Variants in KAT6B observed in about 807,000 individuals in gnomAD.
The protein encoded by KAT6B is lysine acetyltransferase 6B, also known as histone acetyltransferase KAT6B.
Under a neutral mutation model 187.5 loss-of-function variants are expected in KAT6B, and 10 were observed. The observed-to-expected ratio is 0.05, with a 90% CI of 0.03 to 0.09. The LOEUF is 0.09. Ranked by LOEUF, KAT6B falls within the 10% of genes least tolerant of loss-of-function variation. The pLI, the probability that KAT6B is intolerant of heterozygous loss-of-function variation, is 1.00. For missense variants in KAT6B, 1,952 were observed against 2,558.9 expected (o/e 0.76, Z 5.12); for synonymous variants, 861 against 926.8 (o/e 0.93, Z 1.29).
At chr10:74,834,806 C>T (rs2131991437) in intron 1 of KAT6B, among the ~76,000 whole-genome samples, 1 of 152,328 alleles carries the variant, frequency 6.6e-6, no homozygotes, top group South Asian at 2.1e-4. Flanking sequence ...AGGCATGAGC[C>T]ATTGTGCCTG....
At chr10:74,828,562 C>CTTTTTTT (rs1160950109) in intron 1 of KAT6B, among the ~76,000 whole-genome samples, 27 of 94,790 alleles carry the variant, frequency 2.8e-4, no homozygotes, top group Non-Finnish European at 4.2e-4. Flanking sequence ...CTCATAAGTT[C>CTTTTTTT]TTTTTTTTTT....
intron 13 of KAT6B, among the ~76,000 whole-genome samples, chr10:75,013,743 T>A (rs1844779373): frequency 6.6e-6 from 1 of 152,188 alleles, no homozygotes; most frequent in South Asian, 2.1e-4. Flanking sequence ...TTACCAGAAC[T>A]GTAACAGTTA....
intron 16 of KAT6B, 58 bp from the exon 17 acceptor site, chr10:75,024,900 G>A (rs1845701096): frequency 2.0e-6 from 3 of 1,523,252 alleles, no homozygotes; most frequent in Admixed American, 1.7e-5. Flanking sequence ...ACTGCATATC[G>A]ACTCAACCAT....
intron 3 of KAT6B, among the ~76,000 whole-genome samples, chr10:74,863,541 T>C (rs1238661735): frequency 2.0e-5 from 3 of 152,210 alleles, no homozygotes; most frequent in Admixed American, 1.3e-4. Flanking sequence ...TATCAAAAAC[T>C]GTTCCAAAAA....
chr10:75,005,905 A>G (rs930730948), intron 13 of KAT6B, among the ~76,000 whole-genome samples: 10 of 152,370 alleles, frequency 6.6e-5, no homozygotes, highest in Admixed American at 6.5e-4. Context: ...GATTAAAAGC[A>G]ATTCAGTTTC....
At chr10:74,872,882 T>C (rs531957217) in intron 3 of KAT6B, among the ~76,000 whole-genome samples, 2 of 152,236 alleles carry the variant, frequency 1.3e-5, no homozygotes, top group African/African-American at 4.8e-5. Flanking sequence ...GAAGAAAACT[T>C]ACTGTAAAGG....
chr10:74,914,054 C>T (rs556359991), intron 3 of KAT6B, among the ~76,000 whole-genome samples: 11 of 152,050 alleles, frequency 7.2e-5, no homozygotes, highest in East Asian at 1.9e-4. Flanking sequence ...GGCGTGGTGG[C>T]GGGCACCTGT....
chr10:74,849,893 A>C (rs1842358740), intron 3 of KAT6B, among the ~76,000 whole-genome samples: 2 of 151,218 alleles, frequency 1.3e-5, no homozygotes, highest in South Asian at 4.2e-4. Context: ...AGACAGTCTG[A>C]CCTCAGAGCT....
intron 1 of KAT6B, among the ~76,000 whole-genome samples, chr10:74,833,384 T>C (rs1382000728): frequency 6.6e-6 from 1 of 152,212 alleles, no homozygotes; most frequent in Non-Finnish European, 1.5e-5. Flanking sequence ...TTCAAATGAC[T>C]TTTCATCTTG....
rs535548164 is a variant in KAT6B at position 74,963,153 on chromosome 10, G to A, written c.730+3075G>A. On this transcript the variant is annotated intron_variant, in intron 4 of 17. Coordinates refer to ENST00000287239, the MANE Select transcript of KAT6B (RefSeq NM_012330.4). Reference sequence around the variant, plus strand: ...ATTCCAGCCACTAATATGAATGTGGGAATCATCAGATAGTCTAGGTCTGTG... The same window carrying A: ...ATTCCAGCCACTAATATGAATGTGGAAATCATCAGATAGTCTAGGTCTGTG... 3.3e-5 allele frequency among the ~76,000 whole-genome samples: 5 copies of A among 152,298 alleles called. No homozygotes were observed. The South Asian group carries it at 1.0e-3, about 32-fold the overall frequency.
Position 75,022,078 on chromosome 10 carries a change from G to GGAGGAGGAGGAC in KAT6B, c.3231_3242dup (p.Asp1077_Glu1080dup), listed in dbSNP as rs569172957. The GGAGGAGGAGGAC allele has an allele frequency of 1.2e-6, 2 of 1,611,002 alleles. No homozygotes were observed. Among genetic ancestry groups the GGAGGAGGAGGAC allele is most frequent in the Non-Finnish European group, 1.7e-6 (2 of 1,177,776 alleles). On this transcript the variant is annotated inframe_insertion, in exon 16 of 18. Coordinates refer to ENST00000287239, the MANE Select transcript of KAT6B (RefSeq NM_012330.4). ...CTAAAGAGAGCAGTGAAGAAGAAGA[G>GGAGGAGGAGGAC]GAGGAGGAGGACGAGGAGGAGGAAG... is the stretch of plus-strand genomic sequence containing the variant.
At chr10:74,950,671 A>G (rs1279926359) in intron 3 of KAT6B, among the ~76,000 whole-genome samples, 1 of 152,198 alleles carries the variant, frequency 6.6e-6, no homozygotes, top group Non-Finnish European at 1.5e-5. Flanking sequence ...TAAGTGTCAA[A>G]TAGAGTTCTG....
intron 3 of KAT6B, among the ~76,000 whole-genome samples, chr10:74,899,861 AT>A (rs1287467253): frequency 6.6e-6 from 1 of 152,368 alleles, no homozygotes; most frequent in African/African-American, 2.4e-5. Context: ...GAAATACCTT[AT>A]ATTTAAGCAA....
chr10:74,995,458 C>G (rs1253285459), intron 13 of KAT6B, among the ~76,000 whole-genome samples: 1 of 152,058 alleles, frequency 6.6e-6, no homozygotes, highest in African/African-American at 2.4e-5. Context: ...CCCTCTCTAC[C>G]CATTCCCATT....
At position 74,843,360 on chromosome 10, in the gene KAT6B, A is replaced by G; in HGVS notation, c.503A>G (p.Asp168Gly). 3 of 1,613,240 alleles carry G rather than the reference A, an allele frequency of 1.9e-6. No individual in the cohort carries two copies. The highest frequency in any genetic ancestry group is 2.2e-5 in the East Asian group (1 of 44,878). Residue 168 changes from aspartate to glycine, a missense_variant, in exon 3 of 18, where the codon GAC becomes GGC. By Grantham distance (94) the Asp-to-Gly change is moderately conservative. Coordinates refer to ENST00000287239, the MANE Select transcript of KAT6B (RefSeq NM_012330.4). ...RAVNNGRLLKDGPQYRVNYGS... is the reference protein window; with the variant it reads ...RAVNNGRLLKGGPQYRVNYGS... Reference sequence around the variant, plus strand: ...GTGAATAATGGGAGGTTACTGAAAGACGGACCGCAGTACAGGGTCAATTAT... The same window carrying G: ...GTGAATAATGGGAGGTTACTGAAAGGCGGACCGCAGTACAGGGTCAATTAT...
At chr10:75,010,096 C>A in intron 13 of KAT6B, among the ~76,000 whole-genome samples, 1 of 152,234 alleles carries the variant, frequency 6.6e-6, no homozygotes, top group East Asian at 1.9e-4. Context: ...CTCCGCTACC[C>A]AGGGTGCCTT....
At chr10:74,850,955 A>G (rs1842439841) in intron 3 of KAT6B, among the ~76,000 whole-genome samples, 1 of 152,214 alleles carries the variant, frequency 6.6e-6, no homozygotes, top group Admixed American at 6.5e-5. Context: ...CTAGGTTGGC[A>G]TCGTAATTGG....
chr10:74,886,292 T>C (rs560687415), intron 3 of KAT6B, among the ~76,000 whole-genome samples: 3 of 152,296 alleles, frequency 2.0e-5, no homozygotes, highest in East Asian at 3.9e-4. Context: ...TTCATGTGTG[T>C]TGGAGCAGGC....
At chr10:74,998,064 A>G (rs984672533) in intron 13 of KAT6B, among the ~76,000 whole-genome samples, 5 of 152,218 alleles carry the variant, frequency 3.3e-5, no homozygotes, top group African/African-American at 7.2e-5. Flanking sequence ...GTGAGCTGAG[A>G]TTGTGCCATT....
Sources: gnomAD v4.1 joint callset for allele counts (sites outside exome capture counted in the v4.1 genomes callset) on GRCh38, gnomAD v4.1.1 for gene constraint, MANE v1.5 for transcripts, NCBI Gene and HGNC (gene_info 2026-07-23, HGNC 2026-07-21) for gene names.